Variants in THEM6 observed in about 807,000 individuals in gnomAD.
THEM6 encodes the protein protein THEM6.
In THEM6, 10 loss-of-function variants were observed where a neutral mutation model predicts 13.7. The ratio of observed to expected loss-of-function variants is 0.73; its 90% CI spans 0.45 to 1.24. The LOEUF (loss-of-function observed/expected upper bound fraction) is 1.24, where lower values mean the gene tolerates loss of function less well. Ranked by LOEUF, THEM6 falls within the 50% of genes most tolerant of loss-of-function variation. The pLI is 0.00. For missense variants in THEM6, 317 were observed against 312.6 expected (o/e 1.01, Z -0.11); for synonymous variants, 161 against 156.0 (o/e 1.03, Z -0.24).
chr8:142,729,394 C>T (rs1414930478), intron 1 of THEM6, among the ~76,000 whole-genome samples: 1 of 152,070 alleles, frequency 6.6e-6, no homozygotes, highest in Non-Finnish European at 1.5e-5. Context: ...TCATTTATAA[C>T]CTGATGTGTA....
At chr8:142,731,221 C>G (rs1815640663) in intron 1 of THEM6, among the ~76,000 whole-genome samples, 2 of 152,186 alleles carry the variant, frequency 1.3e-5, no homozygotes, top group Admixed American at 6.5e-5. Flanking sequence ...CATGATACCC[C>G]TTTAGCTTTA....
intron 1 of THEM6, among the ~76,000 whole-genome samples, chr8:142,734,206 G>T (rs138818214): frequency 6.6e-6 from 1 of 152,170 alleles, no homozygotes; most frequent in African/African-American, 2.4e-5. Context: ...GGTACCTTCC[G>T]ATGTTATTTT....
At chr8:142,730,394 T>C (rs1240623500) in intron 1 of THEM6, among the ~76,000 whole-genome samples, 2 of 152,236 alleles carry the variant, frequency 1.3e-5, no homozygotes, top group African/African-American at 4.8e-5. Context: ...TAAAAGTCTT[T>C]TAGTTCTGAG....
At chr8:142,729,342 A>G (rs1815595849) in intron 1 of THEM6, among the ~76,000 whole-genome samples, 1 of 152,174 alleles carries the variant, frequency 6.6e-6, no homozygotes. Flanking sequence ...TACACTCGCC[A>G]GCAGCTTTGC....
chr8:142,729,366 C>A (rs942324089), intron 1 of THEM6, among the ~76,000 whole-genome samples: 1 of 151,980 alleles, frequency 6.6e-6, no homozygotes. Context: ...GAGAGTACAC[C>A]GAACAAAGGA....
chr8:142,729,591 G>T (rs1815600719), intron 1 of THEM6, among the ~76,000 whole-genome samples: 1 of 152,088 alleles, frequency 6.6e-6, no homozygotes, highest in Non-Finnish European at 1.5e-5. Flanking sequence ...ACTGAAGAAG[G>T]GGGAGATGGG....
At position 142,735,620 on chromosome 8, in the gene THEM6, G is replaced by C; in HGVS notation, c.*181G>C. The C allele has an allele frequency of 1.7e-6, 1 of 586,932 alleles. No individual in the cohort carries two copies. The highest frequency in any genetic ancestry group is 2.8e-5 in the East Asian group (1 of 35,356). 36.4% of individuals were successfully genotyped at this position (586,932 alleles called of 1,614,324 possible). On this transcript the variant is annotated 3_prime_UTR_variant, in exon 2 of 2. Transcript: ENST00000336138. ...CCCCTCTGTGCTGGGCTCCACGCTA[G>C]GCAGAAGGAGGAGTGGCATTGGCAT...
intron 1 of THEM6, among the ~76,000 whole-genome samples, chr8:142,732,711 C>CTT (rs35409782): frequency 0.065 from 8,797 of 134,320 alleles, 412 homozygotes; most frequent in African/African-American, 0.1. Flanking sequence ...TGGCCAGTTT[C>CTT]TTTTTTTTTT....
Position 142,735,442 on chromosome 8 carries a change from GC to G in THEM6, c.*5del. On this transcript the variant is annotated 3_prime_UTR_variant, in exon 2 of 2. Transcript: ENST00000336138. ...GTGATGTCACCAAGGACCAGTGACC[GC>G]CACCTTCACACCGTCTGCCCTGGCC... 1 of 1,561,168 alleles carries G rather than the reference GC, an allele frequency of 6.4e-7. No homozygotes were observed. The highest frequency in any genetic ancestry group is 8.7e-7 in the Non-Finnish European group (1 of 1,151,520).
chr8:142,732,165 T>C lies in THEM6; in HGVS notation c.514-3161T>C, dbSNP rs1164496492. On this transcript the variant is annotated intron_variant, in intron 1 of 1. Transcript: ENST00000336138. ...AGAGGGGAAAAGGGAGTTTTGAATA[T>C]ATATATATATATATATATATATATA... Among the ~76,000 whole-genome samples, 299 of 36,248 alleles carry C rather than the reference T, an allele frequency of 8.2e-3. 7 individuals are homozygous for C. Among genetic ancestry groups the C allele is most frequent in the African/African-American group, 0.04 (276 of 6,932 alleles). 23.8% of individuals were successfully genotyped at this position (36,248 alleles called of 152,430 possible).
At chr8:142,735,176 G>T in intron 1 of THEM6, 150 bp from the exon 2 acceptor site, 1 of 641,258 alleles carries the variant, frequency 1.6e-6, no homozygotes, top group Non-Finnish European at 2.8e-6. Flanking sequence ...GGTAGCACAA[G>T]TGTGCAGAGC....
At position 142,727,709 on chromosome 8, in the gene THEM6, C is replaced by A; in HGVS notation, c.363C>A (p.Thr121=). 1 of 1,431,740 alleles carries A rather than the reference C, an allele frequency of 7.0e-7. No homozygotes were observed. Among genetic ancestry groups the A allele is most frequent in the South Asian group, 1.5e-5 (1 of 68,604 alleles). 88.7% of individuals were successfully genotyped at this position (1,431,740 alleles called of 1,614,324 possible). ...LRLLEPFEVR[T]RLLGWDDRAF... is the part of the protein sequence containing the mutation. ...TGCTGGAGCCCTTCGAGGTGCGCAC[C>A]CGCCTGCTGGGCTGGGACGACCGCG... is the stretch of plus-strand genomic sequence containing the variant. Residue 121 remains threonine (T), a synonymous_variant, in exon 1 of 2, where the codon ACC becomes ACA. Coordinates refer to ENST00000336138, the MANE Select transcript of THEM6 (RefSeq NM_016647.3).
rs1295683421 is a variant in THEM6 at position 142,735,622 on chromosome 8, CAGA to C, written c.*186_*188del. ...CCTCTGTGCTGGGCTCCACGCTAGG[CAGA>C]AGGAGGAGTGGCATTGGCATCCTGA... On this transcript the variant is annotated 3_prime_UTR_variant, in exon 2 of 2. Transcript: ENST00000336138. 1.0e-5 allele frequency: 6 copies of C among 584,772 alleles called. No homozygotes were observed. The highest frequency in any genetic ancestry group is 3.7e-5 in the African/African-American group (2 of 53,898). 36.2% of individuals were successfully genotyped at this position (584,772 alleles called of 1,614,324 possible). A position where few individuals can be genotyped will look rare whatever the true frequency, so the allele number is the denominator to read the frequency against.
At chr8:142,732,206 A>ATATATT (rs1439233878) in intron 1 of THEM6, among the ~76,000 whole-genome samples, 1 of 95,018 alleles carries the variant, frequency 1.1e-5, no homozygotes, top group Admixed American at 1.1e-4. Context: ...ATATATATAT[A>ATATATT]TTTTAACTAC....
intron 1 of THEM6, among the ~76,000 whole-genome samples, chr8:142,731,150 G>A (rs1345524237): frequency 6.6e-6 from 1 of 152,192 alleles, no homozygotes; most frequent in African/African-American, 2.4e-5. Context: ...TTGTTAAAGA[G>A]CGGGTTAGTG....
At chr8:142,732,833 A>T (rs1245833752) in intron 1 of THEM6, among the ~76,000 whole-genome samples, 2 of 151,856 alleles carry the variant, frequency 1.3e-5, no homozygotes, top group Non-Finnish European at 2.9e-5. Flanking sequence ...CTCATGAGAG[A>T]GGAACAGAGA....
At position 142,727,604 on chromosome 8, in the gene THEM6, G is replaced by C. The variant is rs1554642485; in HGVS notation, c.258G>C (p.Gly86=). 6.6e-7 allele frequency: 1 copy of C among 1,509,470 alleles called. No homozygotes were observed. 93.5% of individuals were successfully genotyped at this position (1,509,470 alleles called of 1,614,324 possible). A position where few individuals can be genotyped will look rare whatever the true frequency, so the allele number is the denominator to read the frequency against. ...FARVAHLTRC[G]VLGALRELRA... ...GCGTCGCGCACCTGACCCGCTGCGGGGTGCTCGGGGCGCTGAGGGAGTTGC... is the reference window on the plus strand; with the variant it reads ...GCGTCGCGCACCTGACCCGCTGCGGCGTGCTCGGGGCGCTGAGGGAGTTGC... The change falls in exon 1 of 2, where the codon GGG becomes GGC. Residue 86 remains glycine, a synonymous_variant. Coordinates refer to ENST00000336138, the MANE Select transcript of THEM6 (RefSeq NM_016647.3).
At chr8:142,732,766 G>A (rs78563521) in intron 1 of THEM6, among the ~76,000 whole-genome samples, 3,354 of 149,990 alleles carry the variant, frequency 0.022, 279 homozygotes, top group Admixed American at 0.16. Flanking sequence ...GTCACACCAG[G>A]TGGGTCTCAA....
chr8:142,729,331 G>A (rs935043808), intron 1 of THEM6, among the ~76,000 whole-genome samples: 2 of 152,138 alleles, frequency 1.3e-5, no homozygotes, highest in Non-Finnish European at 2.9e-5. Context: ...TGCAGAAAGG[G>A]TACACTCGCC....
Sources: gnomAD v4.1 joint callset for allele counts (sites outside exome capture counted in the v4.1 genomes callset) on GRCh38, gnomAD v4.1.1 for gene constraint, MANE v1.5 for transcripts, NCBI Gene and HGNC (gene_info 2026-07-23, HGNC 2026-07-21) for gene names.